The following COBL variants were observed in gnomAD, a reference collection of about 807,000 sequenced individuals.
The protein encoded by COBL is protein cordon-bleu.
A neutral mutation model predicts 98.8 loss-of-function variants in COBL; 51 were observed. The observed-to-expected ratio is 0.52, with a 90% confidence interval of 0.41 to 0.65. The LOEUF (loss-of-function observed/expected upper bound fraction) is 0.65, where lower values mean the gene tolerates loss of function less well. Ranked by LOEUF, COBL falls within the 30% of genes least tolerant of loss-of-function variation. The pLI is 0.00. For missense variants in COBL, 1,617 were observed against 1,617.5 expected, an observed-to-expected ratio of 1.00 and a Z score of 0.01; for synonymous variants, 634 against 651.7, an observed-to-expected ratio of 0.97 and a Z score of 0.41.
intron 5 of COBL, among the ~76,000 whole-genome samples, chr7:51,182,170 G>A (rs1789033138): frequency 6.6e-6 from 1 of 152,036 alleles, no homozygotes; most frequent in South Asian, 2.1e-4. Context: ...CAGGATCAAG[G>A]AGGACAAGGG....
chr7:51,205,199 A>C (rs911568506), intron 2 of COBL, among the ~76,000 whole-genome samples: 10 of 152,364 alleles, frequency 6.6e-5, no homozygotes, highest in African/African-American at 2.4e-4. Flanking sequence ...AAGATCTTGA[A>C]TACTCAAAGA....
intron 1 of COBL, among the ~76,000 whole-genome samples, chr7:51,292,816 G>A (rs754785677): frequency 1.3e-5 from 2 of 152,230 alleles, no homozygotes; most frequent in Admixed American, 6.5e-5. Flanking sequence ...GAGCAGCCCT[G>A]AGTAAAGAGG....
At chr7:51,244,276 A>G (rs1453842860) in intron 1 of COBL, among the ~76,000 whole-genome samples, 1 of 152,218 alleles carries the variant, frequency 6.6e-6, no homozygotes, top group East Asian at 1.9e-4. Flanking sequence ...CGCCTGGACC[A>G]GCATGCCCCG....
chr7:51,210,404 A>G (rs1792299590), intron 2 of COBL, among the ~76,000 whole-genome samples: 1 of 152,200 alleles, frequency 6.6e-6, no homozygotes, highest in Non-Finnish European at 1.5e-5. Context: ...CTCAACCTGG[A>G]GGAAACCTCA....
chr7:51,282,674 CACAAAT>C (rs1283986103), intron 1 of COBL, among the ~76,000 whole-genome samples: 1 of 152,014 alleles, frequency 6.6e-6, no homozygotes, highest in Non-Finnish European at 1.5e-5. Context: ...TAGAAGAACT[CACAAAT>C]ACAATCAACC....
intron 1 of COBL, among the ~76,000 whole-genome samples, chr7:51,263,423 T>C (rs1167245107): frequency 6.6e-6 from 1 of 151,164 alleles, no homozygotes; most frequent in Non-Finnish European, 1.5e-5. Context: ...ATATGGGGGG[T>C]GGATAAGGAA....
At chr7:51,120,837 TTAAG>T (rs770854126) in intron 6 of COBL, among the ~76,000 whole-genome samples, 8 of 152,228 alleles carry the variant, frequency 5.3e-5, no homozygotes, top group Non-Finnish European at 1.0e-4. Flanking sequence ...TTTTAAATGT[TTAAG>T]TATTTATTTT....
intron 6 of COBL, among the ~76,000 whole-genome samples, chr7:51,087,603 T>G (rs1794402044): frequency 6.6e-6 from 1 of 151,850 alleles, no homozygotes; most frequent in African/African-American, 2.4e-5. Context: ...GCCTCCTGAG[T>G]AGCTGGGACT....
Position 51,037,927 on chromosome 7 carries a change from C to G in COBL, c.1406+5456G>C, listed in dbSNP as rs138445548. The stretch of plus-strand genomic sequence containing the variant: ...AGTGCAGTGGTGTGATCTCAGCTCA[C>G]TGCAACCTCTGCCTCCTGGGTTCAA... On this transcript the variant is annotated intron_variant, in intron 8 of 12. Coordinates refer to ENST00000265136, the MANE Select transcript of COBL (RefSeq NM_015198.5). Among the ~76,000 whole-genome samples the G allele has an allele frequency of 3.8e-3, 586 of 152,316 alleles. 5 individuals carry two copies. Among genetic ancestry groups the G allele is most frequent in the African/African-American group, 0.013 (558 of 41,578 alleles).
Position 51,219,801 on chromosome 7 carries a change from G to C in COBL, c.185C>G (p.Thr62Ser). ...VRMKEALRAS[T>S]MDVTVVLPSG... Reference sequence around the variant, plus strand: ...AGGCAGGACCACGGTGACGTCCATGGTGCTGGCCCTCAGCGCCTCCTTCAT... The same window carrying C: ...AGGCAGGACCACGGTGACGTCCATGCTGCTGGCCCTCAGCGCCTCCTTCAT... The change falls in exon 2 of 13, where the codon ACC becomes AGC. Residue 62 changes from threonine (T) to serine (S), a missense_variant. By Grantham distance (58) the Thr-to-Ser change is moderately conservative (BLOSUM62 1). This residue lies in a region of COBL where 238 missense variants were observed against 215.0 expected (regional missense o/e 1.11). Transcript: ENST00000265136. 1 of 1,614,106 alleles carries C rather than the reference G, an allele frequency of 6.2e-7. No individual in the cohort carries two copies. The highest frequency in any genetic ancestry group is 8.5e-7 in the Non-Finnish European group (1 of 1,180,034).
intron 8 of COBL, chr7:51,035,048 A>C (rs573854778): frequency 6.6e-6 from 1 of 152,402 alleles, no homozygotes; most frequent in Admixed American, 6.5e-5. Context: ...GAGTCTGCCC[A>C]GGAAGTGGAC....
chr7:51,230,953 G>A (rs565511385), intron 1 of COBL, among the ~76,000 whole-genome samples: 4 of 152,316 alleles, frequency 2.6e-5, no homozygotes, highest in Admixed American at 1.3e-4. Context: ...GTCCCACAAT[G>A]GCAGTGGAGA....
intron 1 of COBL, among the ~76,000 whole-genome samples, chr7:51,234,074 A>G (rs745366209): frequency 1.4e-4 from 22 of 152,364 alleles, no homozygotes; most frequent in Non-Finnish European, 2.6e-4. Flanking sequence ...ATATGCAGAA[A>G]TAAGAGGCCC....
At chr7:51,191,102 G>T in intron 3 of COBL, 24 bp from the exon 4 acceptor site, 1 of 1,601,548 alleles carries the variant, frequency 6.2e-7, no homozygotes, top group Non-Finnish European at 8.5e-7. Context: ...CAGGCAAAAA[G>T]AATTCAGTAA....
At chr7:51,076,380 A>ATGGC (rs1317261693) in intron 7 of COBL, among the ~76,000 whole-genome samples, 6 of 152,210 alleles carry the variant, frequency 3.9e-5, no homozygotes, top group Non-Finnish European at 8.8e-5. Context: ...CAAGCAGCAC[A>ATGGC]TGGCTGTTCA....
At chr7:51,221,696 G>A (rs1422824388) in intron 1 of COBL, among the ~76,000 whole-genome samples, 1 of 152,190 alleles carries the variant, frequency 6.6e-6, no homozygotes. Context: ...CTTGGGTGAT[G>A]GGTAGTATGA....
At chr7:51,182,214 G>A (rs755302493) in intron 5 of COBL, among the ~76,000 whole-genome samples, 1 of 150,726 alleles carries the variant, frequency 6.6e-6, no homozygotes, top group Non-Finnish European at 1.5e-5. Context: ...TCTCAAAAAC[G>A]TCAGGAAAAA....
At chr7:51,283,417 T>C (rs1161631048) in intron 1 of COBL, among the ~76,000 whole-genome samples, 1 of 152,212 alleles carries the variant, frequency 6.6e-6, no homozygotes, top group East Asian at 1.9e-4. Context: ...ACTACCAACA[T>C]ACACTCATTA....
chr7:51,263,698 T>C (rs986302677), intron 1 of COBL, among the ~76,000 whole-genome samples: 8 of 152,128 alleles, frequency 5.3e-5, no homozygotes, highest in South Asian at 2.1e-4. Flanking sequence ...GCAGGTCTGA[T>C]TGTTAAGTTC....
Sources: allele counts gnomAD v4.1 joint callset (sites outside exome capture counted in the v4.1 genomes callset), GRCh38; gene constraint gnomAD v4.1.1; regional missense constraint gnomAD v4.1.1; transcripts MANE v1.5; gene names NCBI Gene and HGNC (gene_info 2026-07-23, HGNC 2026-07-21).